DCAF12: variants seen among roughly 807,000 people sequenced by gnomAD.
DCAF12 encodes DDB1- and CUL4-associated factor 12.
A neutral mutation model predicts 52.8 loss-of-function variants in DCAF12; 28 were observed. That is an observed-to-expected ratio of 0.53 (90% CI 0.39 to 0.73). The LOEUF (loss-of-function observed/expected upper bound fraction) is 0.73, where lower values mean the gene tolerates loss of function less well. Ranked by LOEUF, DCAF12 falls within the 30% of genes least tolerant of loss-of-function variation. DCAF12 has a pLI of 0.00. For synonymous variants in DCAF12, 196 were observed against 215.5 expected (o/e 0.91, Z 0.79); for missense variants, 425 against 552.2 (o/e 0.77, Z 2.31).
chr9:34,112,381 G>C (rs1228296139), intron 2 of DCAF12, among the ~76,000 whole-genome samples: 1 of 151,252 alleles, frequency 6.6e-6, no homozygotes, highest in South Asian at 2.1e-4. Flanking sequence ...GGATCACCTG[G>C]GGTCAGGACT....
chr9:34,126,419 C>G lies in DCAF12; in HGVS notation c.13G>C (p.Val5Leu). The change falls in exon 1 of 9, where the codon GTA becomes CTA. Residue 5 changes from valine (V) to leucine (L), a missense_variant. Physicochemically the swap from Val to Leu is conservative, Grantham distance 32 (BLOSUM62 1). This residue lies in a region of DCAF12 where 89 missense variants were observed against 84.9 expected (regional missense o/e 1.05). Coordinates refer to ENST00000361264, the MANE Select transcript of DCAF12 (RefSeq NM_015397.4). ...GGCGCTTTCCGCTTCCTGCTAACTA[C>G]TTTCCGGGCCATAGTGGGCAGCGCC... The part of the protein sequence containing the change: MARK[V>L]VSRKRKAPAS... The G allele has an allele frequency of 6.2e-7, 1 of 1,608,398 alleles. No individual in the cohort carries two copies. Among genetic ancestry groups the G allele is most frequent in the South Asian group, 1.1e-5 (1 of 90,934 alleles).
In DCAF12 at chr9:34,093,323, G is replaced by T; in HGVS notation, c.987C>A (p.Tyr329Ter). Residue 329 changes from tyrosine (Y) to a stop codon, truncating the protein, a stop_gained, in exon 7 of 9, where the codon TAC (tyrosine) becomes TAA (stop). Coordinates refer to ENST00000361264, the MANE Select transcript of DCAF12 (RefSeq NM_015397.4). LOFTEE classifies it high-confidence loss of function. The part of the protein sequence containing the change: ...VSFLDPRQPS[Y>*]NVKSVCSRER... Reference sequence around the variant, plus strand: ...CCCTGGAACAGACAGACTTGACGTTGTATGATGGCTGCCGTGGATCCAAGA... The same window carrying T: ...CCCTGGAACAGACAGACTTGACGTTTTATGATGGCTGCCGTGGATCCAAGA... 1 of 1,614,232 alleles carries T rather than the reference G, an allele frequency of 6.2e-7. No individual in the cohort carries two copies. The highest frequency in any genetic ancestry group is 8.5e-7 in the Non-Finnish European group (1 of 1,180,040).
intron 2 of DCAF12, among the ~76,000 whole-genome samples, chr9:34,108,038 C>T (rs1828933383): frequency 6.6e-6 from 1 of 152,170 alleles, no homozygotes; most frequent in African/African-American, 2.4e-5. Flanking sequence ...CAGAGACATA[C>T]GACAAGGAAG....
intron 4 of DCAF12, among the ~76,000 whole-genome samples, chr9:34,106,185 T>C (rs1028970455): frequency 3.3e-5 from 5 of 152,112 alleles, no homozygotes; most frequent in Non-Finnish European, 7.4e-5. Context: ...CTGGTTCTCC[T>C]GGGCTCAAGC....
At chr9:34,091,639 CAAAAAAAAAAAA>C (rs34922785) in intron 7 of DCAF12, among the ~76,000 whole-genome samples, 2 of 80,516 alleles carry the variant, frequency 2.5e-5, no homozygotes, top group Non-Finnish European at 4.4e-5. Context: ...ACCCTGTCTT[CAAAAAAAAAAAA>C]AAAAAAAAAA....
rs1431954179 is a variant in DCAF12, at chr9:34,087,243, A to G, written c.*1107T>C. The G allele has an allele frequency of 6.6e-6, 1 of 152,376 alleles. No homozygotes were observed. Among genetic ancestry groups the G allele is most frequent in the African/African-American group, 2.4e-5 (1 of 41,460 alleles). 9.4% of individuals were successfully genotyped at this position (152,376 alleles called of 1,614,324 possible). A position where few individuals can be genotyped will look rare whatever the true frequency, so the allele number is the denominator to read the frequency against. ...ATATTCCACACATGAAGCACTCACTACACACAGATAAACCCCCTGCTCACC... is the reference window on the plus strand; with the variant it reads ...ATATTCCACACATGAAGCACTCACTGCACACAGATAAACCCCCTGCTCACC... On this transcript the variant is annotated 3_prime_UTR_variant, in exon 9 of 9. Transcript: ENST00000361264.
intron 2 of DCAF12, chr9:34,110,023 T>C (rs1293967746): frequency 2.0e-5 from 3 of 147,416 alleles, no homozygotes; most frequent in Non-Finnish European, 4.5e-5. Context: ...ATATAATATG[T>C]ACTTTATATA....
chr9:34,096,678 A>G (rs747140283), intron 6 of DCAF12, 38 bp downstream of exon 6: 1 of 1,555,252 alleles, frequency 6.4e-7, no homozygotes, highest in Non-Finnish European at 8.8e-7. Context: ...CTGTAAGGTG[A>G]ATTATTAGGT....
chr9:34,101,280 G>A (rs1349989817), intron 4 of DCAF12, among the ~76,000 whole-genome samples: 2 of 151,816 alleles, frequency 1.3e-5, no homozygotes, highest in Non-Finnish European at 1.5e-5. Flanking sequence ...GTCTCACTAT[G>A]TTACCCAGGC....
rs1587729349 is a variant in DCAF12, at chr9:34,089,277, C to A, written c.1203+135G>T. ...ACATAAAAGCAAAATCGGGGGAAGT[C>A]TTTTCCTGTTCCAATGAGTGCCTCT... On this transcript the variant is annotated intron_variant, in intron 8 of 8. Coordinates refer to ENST00000361264, the MANE Select transcript of DCAF12 (RefSeq NM_015397.4). 103 of 1,049,040 alleles carry A rather than the reference C, an allele frequency of 9.8e-5. 2 individuals carry two copies. In the South Asian group the frequency reaches 1.9e-3, roughly 19 times the overall value. The allele number at this position is 1,049,040 out of a possible 1,614,324, so 65.0% of individuals were successfully genotyped here. A position where few individuals can be genotyped will look rare whatever the true frequency, so the allele number is the denominator to read the frequency against.
At chr9:34,106,765 G>A (rs1828910689) in intron 3 of DCAF12, among the ~76,000 whole-genome samples, 1 of 151,998 alleles carries the variant, frequency 6.6e-6, no homozygotes, top group African/African-American at 2.4e-5. Context: ...CTTCCATCTG[G>A]AACTCTCTTC....
intron 6 of DCAF12, among the ~76,000 whole-genome samples, chr9:34,096,387 TA>T (rs2131428290): frequency 6.6e-6 from 1 of 152,070 alleles, no homozygotes; most frequent in East Asian, 1.9e-4. Context: ...TTATTGTCTT[TA>T]AAAATAAAAA....
At chr9:34,097,323 G>A (rs1447502533) in intron 5 of DCAF12, among the ~76,000 whole-genome samples, 8 of 145,752 alleles carry the variant, frequency 5.5e-5, no homozygotes, top group South Asian at 2.2e-4. Flanking sequence ...GTGCTGTGGC[G>A]CAATTTCGGC....
intron 4 of DCAF12, among the ~76,000 whole-genome samples, chr9:34,102,649 A>G (rs755331019): frequency 6.1e-5 from 8 of 130,352 alleles, no homozygotes; most frequent in Non-Finnish European, 1.3e-4. Context: ...ACTCCATCTC[A>G]AAACAAACAC....
chr9:34,094,142 C>T (rs1255056213), intron 6 of DCAF12, among the ~76,000 whole-genome samples: 3 of 152,118 alleles, frequency 2.0e-5, no homozygotes, highest in African/African-American at 7.2e-5. Flanking sequence ...TGGTGGCTAA[C>T]GTCTGTAATC....
chr9:34,125,728 A>G (rs1829239220), intron 1 of DCAF12: 3 of 348,748 alleles, frequency 8.6e-6, no homozygotes, highest in East Asian at 8.0e-5. Flanking sequence ...TGCATCATCA[A>G]TGACCGTTCC....
At chr9:34,126,174 T>C (rs1451276241) in intron 1 of DCAF12, among the ~76,000 whole-genome samples, 180 bp downstream of exon 1, 1 of 152,216 alleles carries the variant, frequency 6.6e-6, no homozygotes, top group Non-Finnish European at 1.5e-5. Context: ...CTCACCGCCC[T>C]GGCCTATCTG....
chr9:34,112,004 G>T (rs1364053517), intron 2 of DCAF12, among the ~76,000 whole-genome samples: 5 of 151,878 alleles, frequency 3.3e-5, no homozygotes, highest in Non-Finnish European at 5.9e-5. Context: ...TTAGCTGGAT[G>T]TGGTGGCGGG....
chr9:34,092,434 T>C (rs1372328740), intron 7 of DCAF12, among the ~76,000 whole-genome samples: 1 of 152,170 alleles, frequency 6.6e-6, no homozygotes, highest in African/African-American at 2.4e-5. Context: ...ACGCCTGTAA[T>C]CTCAGCACTT....
Sources: gnomAD v4.1 joint callset for allele counts (sites outside exome capture counted in the v4.1 genomes callset) on GRCh38, gnomAD v4.1.1 for gene constraint, gnomAD v4.1.1 regional missense constraint, MANE v1.5 for transcripts, NCBI Gene and HGNC (gene_info 2026-07-23, HGNC 2026-07-21) for gene names.